The following FBXL17 variants were observed in gnomAD, a reference collection of about 807,000 sequenced individuals.
The protein encoded by FBXL17 is F-box/LRR-repeat protein 17.
FBXL17 carries 22 observed loss-of-function variants against 66.2 expected under a neutral mutation model. The ratio of observed to expected loss-of-function variants is 0.33; its 90% confidence interval spans 0.24 to 0.47. FBXL17 has a LOEUF of 0.47. FBXL17 is among the 20% of genes least tolerant of loss of function. FBXL17 has a pLI of 1.00. For synonymous variants in FBXL17, 474 were observed against 400.5 expected, an observed-to-expected ratio of 1.18 and a Z score of -2.19; for missense variants, 878 against 948.2, an observed-to-expected ratio of 0.93 and a Z score of 0.97.
chr5:108,350,351 G>A (rs1049181033), intron 3 of FBXL17, among the ~76,000 whole-genome samples: 1 of 152,120 alleles, frequency 6.6e-6, no homozygotes. Flanking sequence ...TTGGACTGGG[G>A]TATACCACAG....
At chr5:108,294,027 C>T (rs1174545951) in intron 4 of FBXL17, among the ~76,000 whole-genome samples, 1 of 110,760 alleles carries the variant, frequency 9.0e-6, no homozygotes, top group African/African-American at 3.7e-5. Flanking sequence ...GGAGACAGAG[C>T]GAGACTCTTG....
At chr5:108,016,100 A>C (rs1359922966) in intron 7 of FBXL17, among the ~76,000 whole-genome samples, 1 of 152,244 alleles carries the variant, frequency 6.6e-6, no homozygotes, top group Non-Finnish European at 1.5e-5. Flanking sequence ...CATGTCTGAC[A>C]TATGGCAGCC....
intron 4 of FBXL17, among the ~76,000 whole-genome samples, chr5:108,337,169 T>C (rs1170207758): frequency 2.0e-5 from 3 of 151,736 alleles, no homozygotes; most frequent in East Asian, 1.9e-4. Context: ...GGCAGGACAA[T>C]TGCTTGAACC....
At chr5:108,228,813 G>C (rs928999078) in intron 4 of FBXL17, among the ~76,000 whole-genome samples, 1 of 152,194 alleles carries the variant, frequency 6.6e-6, no homozygotes, top group East Asian at 1.9e-4. Flanking sequence ...TGGGATGGCT[G>C]TAAGGGAGAC....
intron 4 of FBXL17, among the ~76,000 whole-genome samples, chr5:108,286,400 T>A (rs1350603605): frequency 6.6e-6 from 1 of 152,028 alleles, no homozygotes; most frequent in Non-Finnish European, 1.5e-5. Flanking sequence ...CCCTGTAGCA[T>A]CTGCCCAAAA....
At chr5:108,360,660 T>C (rs866387119) in intron 3 of FBXL17, among the ~76,000 whole-genome samples, 3 of 152,158 alleles carry the variant, frequency 2.0e-5, no homozygotes, top group Non-Finnish European at 4.4e-5. Flanking sequence ...CCATTATTTC[T>C]GCAAATATTC....
intron 4 of FBXL17, among the ~76,000 whole-genome samples, chr5:108,252,031 CATG>C (rs1207162134): frequency 6.6e-6 from 1 of 151,932 alleles, no homozygotes; most frequent in African/African-American, 2.4e-5. Flanking sequence ...GGACAATAAC[CATG>C]ATAAGATCTG....
chr5:108,017,727 A>G (rs1313009750), intron 7 of FBXL17, among the ~76,000 whole-genome samples: 3 of 152,194 alleles, frequency 2.0e-5, no homozygotes, highest in Admixed American at 2.0e-4. Flanking sequence ...AAGGAATGAC[A>G]ATATTATATT....
chr5:108,119,102 T>C (rs893375900), intron 6 of FBXL17, among the ~76,000 whole-genome samples: 4 of 152,200 alleles, frequency 2.6e-5, no homozygotes, highest in Admixed American at 6.5e-5. Context: ...TGGAACAACA[T>C]GGAGGCAAAA....
chr5:108,157,866 C>A (rs986874600), intron 6 of FBXL17, among the ~76,000 whole-genome samples: 1 of 152,008 alleles, frequency 6.6e-6, no homozygotes, highest in Non-Finnish European at 1.5e-5. Flanking sequence ...CCTAACTTCC[C>A]AGACAATGGT....
chr5:108,137,469 C>G (rs1168004852), intron 6 of FBXL17, among the ~76,000 whole-genome samples: 1 of 152,040 alleles, frequency 6.6e-6, no homozygotes, highest in Non-Finnish European at 1.5e-5. Context: ...GCCAAAAACA[C>G]TGTGTTTTTG....
At chr5:108,050,893 A>G (rs1747445713) in intron 6 of FBXL17, among the ~76,000 whole-genome samples, 1 of 152,120 alleles carries the variant, frequency 6.6e-6, no homozygotes, top group Non-Finnish European at 1.5e-5. Flanking sequence ...AGAAAAAATG[A>G]TATCAGTTGA....
intron 1 of FBXL17, among the ~76,000 whole-genome samples, chr5:108,372,317 T>C (rs967445439): frequency 2.0e-5 from 3 of 152,032 alleles, no homozygotes; most frequent in Non-Finnish European, 4.4e-5. Context: ...CTAATATACA[T>C]ATAATTGGAG....
intron 6 of FBXL17, among the ~76,000 whole-genome samples, chr5:108,039,499 C>A (rs1409942047): frequency 2.0e-5 from 3 of 151,824 alleles, no homozygotes; most frequent in African/African-American, 7.3e-5. Context: ...TTTATATAGG[C>A]TAGTTGTAAA....
At chr5:108,258,142 T>C (rs1756656035) in intron 4 of FBXL17, among the ~76,000 whole-genome samples, 1 of 152,180 alleles carries the variant, frequency 6.6e-6, no homozygotes, top group Non-Finnish European at 1.5e-5. Context: ...CTTTGGAATG[T>C]AATTAAGATT....
chr5:108,221,668 A>G (rs1367533021), intron 5 of FBXL17, among the ~76,000 whole-genome samples: 2 of 152,210 alleles, frequency 1.3e-5, no homozygotes, highest in African/African-American at 2.4e-5. Flanking sequence ...TACTATGATG[A>G]TAAGGAAAAC....
chr5:108,273,348 A>AAAT (rs34203508), intron 4 of FBXL17, among the ~76,000 whole-genome samples: 6,382 of 150,054 alleles, frequency 0.043, 735 homozygotes, highest in East Asian at 0.39. Context: ...ATAATAATAA[A>AAAT]AATAATAATA....
intron 7 of FBXL17, among the ~76,000 whole-genome samples, chr5:107,946,267 A>ATATATG (rs1751280494): frequency 5.4e-5 from 2 of 37,076 alleles, no homozygotes. Context: ...ATATATATAT[A>ATATATG]TATATATATA....
intron 4 of FBXL17, among the ~76,000 whole-genome samples, chr5:108,327,438 C>A (rs1561531451): frequency 6.6e-6 from 1 of 152,036 alleles, no homozygotes; most frequent in Non-Finnish European, 1.5e-5. Context: ...TGATGTAGTT[C>A]ATATTTAATG....
Sources: allele counts gnomAD v4.1 joint callset (sites outside exome capture counted in the v4.1 genomes callset), GRCh38; gene constraint gnomAD v4.1.1; transcripts MANE v1.5; gene names NCBI Gene and HGNC (gene_info 2026-07-23, HGNC 2026-07-21).